SPATA17: variants seen among roughly 807,000 people sequenced by gnomAD.
The protein encoded by SPATA17 is spermatogenesis-associated protein 17.
SPATA17 carries 53 observed loss-of-function variants against 62.2 expected under a neutral mutation model. The observed-to-expected ratio is 0.85, with a 90% CI of 0.68 to 1.07. The LOEUF (loss-of-function observed/expected upper bound fraction) is 1.07. Ranked by LOEUF, SPATA17 falls within the 50% of genes least tolerant of loss-of-function variation. The probability of loss-of-function intolerance (pLI) is 0.00; values close to 1 mark genes in which losing one functional copy is unlikely to be tolerated. For synonymous variants in SPATA17, 146 were observed against 146.8 expected (o/e 0.99, Z 0.04); for missense variants, 466 against 425.5 (o/e 1.10, Z -0.84).
In SPATA17 at chr1:217,690,542, G is replaced by C. The variant is rs1336740570; in HGVS notation, c.395+7181G>C. Among the ~76,000 whole-genome samples the C allele has an allele frequency of 2.2e-5, 3 of 137,328 alleles. No homozygotes were observed. The East Asian group carries it at 6.4e-4, about 29-fold the overall frequency. 90.1% of individuals were successfully genotyped at this position (137,328 alleles called of 152,430 possible). On this transcript the variant is annotated intron_variant, in intron 5 of 10. Coordinates refer to ENST00000366933, the MANE Select transcript of SPATA17 (RefSeq NM_138796.4). Reference sequence around the variant, plus strand: ...TTAGGGTACATGTGCACATTGTGCAGGTTAGTTACATATGTATACATGTGC... The same window carrying C: ...TTAGGGTACATGTGCACATTGTGCACGTTAGTTACATATGTATACATGTGC...
At chr1:217,753,430 A>AG (rs1672963027) in intron 6 of SPATA17, among the ~76,000 whole-genome samples, 1 of 152,134 alleles carries the variant, frequency 6.6e-6, no homozygotes, top group Non-Finnish European at 1.5e-5. Flanking sequence ...CTTTCTTTAA[A>AG]GCTGAAGCAC....
intron 6 of SPATA17, among the ~76,000 whole-genome samples, chr1:217,758,457 T>C (rs933357852): frequency 2.0e-5 from 3 of 152,142 alleles, no homozygotes; most frequent in African/African-American, 7.2e-5. Flanking sequence ...CCTTATAAGG[T>C]AGTTCCATTA....
At chr1:217,669,634 A>G (rs1261161920) in intron 4 of SPATA17, among the ~76,000 whole-genome samples, 1 of 152,170 alleles carries the variant, frequency 6.6e-6, no homozygotes, top group Non-Finnish European at 1.5e-5. Context: ...CAAAAATATT[A>G]TTTCTTTTGT....
chr1:217,724,848 T>C (rs1478790402), intron 5 of SPATA17, among the ~76,000 whole-genome samples: 2 of 152,160 alleles, frequency 1.3e-5, no homozygotes, highest in African/African-American at 4.8e-5. Context: ...TTATTTTTTT[T>C]CCCTGTGCAC....
intron 8 of SPATA17, chr1:217,785,147 A>G (rs1426974948): frequency 6.6e-6 from 1 of 152,050 alleles, no homozygotes; most frequent in Non-Finnish European, 1.5e-5. Flanking sequence ...TGTTCTCCCA[A>G]TGTCTATGTC....
In SPATA17 at chr1:217,824,812, T is replaced by C. The variant is rs115841072; in HGVS notation, c.1005+22962T>C. Among the ~76,000 whole-genome samples the C allele has an allele frequency of 5.2e-3, 781 of 151,150 alleles. 8 individuals carry two copies. The highest frequency in any genetic ancestry group is 0.018 in the African/African-American group (749 of 41,502). On this transcript the variant is annotated intron_variant, in intron 9 of 10. Coordinates refer to ENST00000366933, the MANE Select transcript of SPATA17 (RefSeq NM_138796.4). The stretch of plus-strand genomic sequence containing the variant: ...AAACTTTTAGGTTAATAATATATGT[T>C]AGAAAGAATGTATCCCTGCTGTAGA...
chr1:217,808,812 G>T (rs555623086), intron 9 of SPATA17, among the ~76,000 whole-genome samples: 3 of 150,438 alleles, frequency 2.0e-5, no homozygotes, highest in African/African-American at 7.3e-5. Context: ...CTGAGATCGC[G>T]CCACTGCACT....
At chr1:217,756,736 A>G (rs936180111) in intron 6 of SPATA17, among the ~76,000 whole-genome samples, 1 of 152,208 alleles carries the variant, frequency 6.6e-6, no homozygotes, top group African/African-American at 2.4e-5. Context: ...ATGGGTCCTT[A>G]TGGACACTTC....
At chr1:217,720,892 T>G (rs150405449) in intron 5 of SPATA17, among the ~76,000 whole-genome samples, 1 of 152,292 alleles carries the variant, frequency 6.6e-6, no homozygotes, top group African/African-American at 2.4e-5. Context: ...CCTGCTGGAT[T>G]GTGGAGTTCT....
chr1:217,790,887 G>T (rs1259016993), intron 8 of SPATA17, among the ~76,000 whole-genome samples: 1 of 152,118 alleles, frequency 6.6e-6, no homozygotes, highest in East Asian at 1.9e-4. Flanking sequence ...GGTAAGCACT[G>T]GTTCTATTTA....
chr1:217,794,590 G>A (rs1227171615), intron 8 of SPATA17, among the ~76,000 whole-genome samples: 1 of 152,076 alleles, frequency 6.6e-6, no homozygotes, highest in African/African-American at 2.4e-5. Flanking sequence ...ATTAAAAATG[G>A]CAATTAAATT....
chr1:217,862,594 A>C (rs1675920079), intron 9 of SPATA17, among the ~76,000 whole-genome samples, 180 bp from the exon 10 acceptor site: 1 of 152,204 alleles, frequency 6.6e-6, no homozygotes, highest in East Asian at 1.9e-4. Flanking sequence ...AGTATGCCTG[A>C]TTTTCAACTG....
intron 4 of SPATA17, among the ~76,000 whole-genome samples, chr1:217,669,495 C>T (rs1296697980): frequency 6.6e-6 from 1 of 151,972 alleles, no homozygotes; most frequent in East Asian, 1.9e-4. Flanking sequence ...AGTCAGTTTC[C>T]AGCTTTGAAG....
At chr1:217,849,451 A>G (rs1332033195) in intron 9 of SPATA17, among the ~76,000 whole-genome samples, 1 of 151,998 alleles carries the variant, frequency 6.6e-6, no homozygotes, top group Non-Finnish European at 1.5e-5. Context: ...GTCCTTTCCT[A>G]AAAAAACAAA....
intron 6 of SPATA17, among the ~76,000 whole-genome samples, chr1:217,747,509 G>A (rs1672790677): frequency 6.6e-6 from 1 of 152,000 alleles, no homozygotes; most frequent in South Asian, 2.1e-4. Flanking sequence ...ATTATAAAAG[G>A]TTACTTTGGA....
chr1:217,680,971 G>A (rs867714189), intron 4 of SPATA17, among the ~76,000 whole-genome samples: 6 of 130,062 alleles, frequency 4.6e-5, no homozygotes, highest in Non-Finnish European at 1.0e-4. Context: ...GCTCACGCCT[G>A]TAATCCCAGC....
At chr1:217,722,743 A>G (rs974757997) in intron 5 of SPATA17, among the ~76,000 whole-genome samples, 1 of 152,230 alleles carries the variant, frequency 6.6e-6, no homozygotes, top group African/African-American at 2.4e-5. Flanking sequence ...ACAGAAAGAA[A>G]GAAAACTGGT....
chr1:217,734,635 A>G (rs1672471658), intron 5 of SPATA17, among the ~76,000 whole-genome samples: 1 of 152,214 alleles, frequency 6.6e-6, no homozygotes, highest in Non-Finnish European at 1.5e-5. Flanking sequence ...AAGATGGTGC[A>G]GATGATGGCA....
At chr1:217,703,690 G>A (rs910600671) in intron 5 of SPATA17, among the ~76,000 whole-genome samples, 18 of 152,130 alleles carry the variant, frequency 1.2e-4, no homozygotes, top group African/African-American at 4.3e-4. Flanking sequence ...TCTTGTTTAG[G>A]AATTCATGTT....
Sources: allele counts gnomAD v4.1 joint callset (sites outside exome capture counted in the v4.1 genomes callset), GRCh38; gene constraint gnomAD v4.1.1; transcripts MANE v1.5; gene names NCBI Gene and HGNC (gene_info 2026-07-23, HGNC 2026-07-21).